PALLD: variants seen among roughly 807,000 people sequenced by gnomAD.
PALLD encodes palladin, cytoskeletal associated protein.
PALLD carries 61 observed loss-of-function variants against 123.5 expected under a neutral mutation model. The ratio of observed to expected loss-of-function variants is 0.49; its 90% CI spans 0.40 to 0.61. PALLD has a LOEUF of 0.61. Ranked by LOEUF, PALLD falls within the 20% of genes least tolerant of loss-of-function variation. The pLI, the probability that PALLD is intolerant of heterozygous loss-of-function variation, is 0.00. For missense variants in PALLD, 1,273 were observed against 1,377.0 expected (o/e 0.92, Z 1.20); for synonymous variants, 465 against 496.4 (o/e 0.94, Z 0.84).
Position 168,761,654 on chromosome 4 carries a change from T to G in PALLD, c.1964+49731T>G, listed in dbSNP as rs1285910673. Among the ~76,000 whole-genome samples the G allele has an allele frequency of 8.5e-3, 328 of 38,772 alleles. 3 individuals are homozygous for G. Among genetic ancestry groups the G allele is most frequent in the African/African-American group, 0.031 (294 of 9,418 alleles). The allele number at this position is 38,772 out of a possible 152,430, so 25.4% of individuals were successfully genotyped here. The stretch of plus-strand genomic sequence containing the variant: ...TTTGTTGTTGTTGTTTGTTTTTTTT[T>G]TTTTTTTTTTTTTTTTTTTTTTGTA... On this transcript the variant is annotated intron_variant, in intron 10 of 21. Coordinates refer to ENST00000505667, the MANE Select transcript of PALLD (RefSeq NM_001166108.2).
At position 168,511,949 on chromosome 4, in the gene PALLD, A is replaced by G. The variant is rs1313856442; in HGVS notation, c.445A>G (p.Ser149Gly). 6.2e-7 allele frequency: 1 copy of G among 1,614,232 alleles called. No individual in the cohort carries two copies. Among genetic ancestry groups the G allele is most frequent in the Non-Finnish European group, 8.5e-7 (1 of 1,180,038 alleles). Reference protein sequence around the residue: ...KAEKRGAKTPSTNVKPKTPHQ... With the variant: ...KAEKRGAKTPGTNVKPKTPHQ... ...TGAAAAGCGTGGTGCAAAAACTCCC[A>G]GCACAAACGTAAAGCCCAAAACGCC... The change falls in exon 2 of 22, where the codon AGC becomes GGC. Residue 149 changes from serine to glycine, a missense_variant. Ser to Gly is a moderately conservative substitution (Grantham distance 56). Coordinates refer to ENST00000505667, the MANE Select transcript of PALLD (RefSeq NM_001166108.2).
intron 2 of PALLD, among the ~76,000 whole-genome samples, chr4:168,594,360 C>A (rs1313167503): frequency 6.6e-6 from 1 of 152,002 alleles, no homozygotes; most frequent in African/African-American, 2.4e-5. Flanking sequence ...CAAGGTGATA[C>A]CATCATTCCT....
chr4:168,759,202 A>AAAAAAAAAAAAAT (rs1554077926), intron 10 of PALLD, among the ~76,000 whole-genome samples: 4 of 22,306 alleles, frequency 1.8e-4, no homozygotes, highest in Admixed American at 7.6e-4. Context: ...AAAAAAAAAA[A>AAAAAAAAAAAAAT]ATATATATAT....
At chr4:168,522,695 T>C (rs1474824891) in intron 2 of PALLD, among the ~76,000 whole-genome samples, 1 of 152,230 alleles carries the variant, frequency 6.6e-6, no homozygotes, top group Non-Finnish European at 1.5e-5. Flanking sequence ...TGAAACTTTA[T>C]ATAGCTTACT....
rs886782879 is a variant in PALLD, at chr4:168,632,307, G to C, written c.909-35883G>C. ...ATTTTCTCTAATTACTTTGTAATCG[G>C]CTCCATCCTCGGTTGAAATAGAAGG... On this transcript the variant is annotated intron_variant, in intron 2 of 21. Coordinates refer to ENST00000505667, the MANE Select transcript of PALLD (RefSeq NM_001166108.2). 8.5e-5 allele frequency among the ~76,000 whole-genome samples: 13 copies of C among 152,150 alleles called. No homozygotes were observed. The East Asian group carries it at 1.5e-3, about 18-fold the overall frequency.
chr4:168,832,684 C>T (rs77862287), intron 10 of PALLD: 7,619 of 151,740 alleles, frequency 0.05, 245 homozygotes, highest in Non-Finnish European at 0.065. Context: ...CGACCTGAGC[C>T]GAGCCCTCCC....
At chr4:168,622,943 C>T (rs1303481314) in intron 2 of PALLD, among the ~76,000 whole-genome samples, 1 of 152,182 alleles carries the variant, frequency 6.6e-6, no homozygotes, top group Non-Finnish European at 1.5e-5. Context: ...ATTCCACAGC[C>T]TCCCTAAGTA....
chr4:168,744,604 G>T (rs1788678152), intron 10 of PALLD, among the ~76,000 whole-genome samples: 1 of 152,194 alleles, frequency 6.6e-6, no homozygotes, highest in Non-Finnish European at 1.5e-5. Context: ...AGGACAAGAG[G>T]CATTAAGTGA....
chr4:168,538,403 C>T (rs572996892), intron 2 of PALLD, among the ~76,000 whole-genome samples: 1 of 151,666 alleles, frequency 6.6e-6, no homozygotes, highest in South Asian at 2.1e-4. Flanking sequence ...ATAATTCCTA[C>T]AGTCATGACA....
chr4:168,643,040 A>G (rs978760679), intron 2 of PALLD, among the ~76,000 whole-genome samples: 1 of 152,226 alleles, frequency 6.6e-6, no homozygotes, highest in Non-Finnish European at 1.5e-5. Context: ...AATGTTCTCT[A>G]TATAGGAAAG....
At chr4:168,888,671 C>T (rs924137791) in intron 10 of PALLD, among the ~76,000 whole-genome samples, 6 of 152,202 alleles carry the variant, frequency 3.9e-5, no homozygotes, top group Non-Finnish European at 7.3e-5. Flanking sequence ...GTCTCATTGG[C>T]CCAGGCTATA....
At chr4:168,599,364 C>T (rs1430082734) in intron 2 of PALLD, among the ~76,000 whole-genome samples, 2 of 152,178 alleles carry the variant, frequency 1.3e-5, no homozygotes, top group Non-Finnish European at 2.9e-5. Flanking sequence ...TTCTAATCAT[C>T]TATTTGAAGG....
chr4:168,793,485 C>T (rs1184312296), intron 10 of PALLD, among the ~76,000 whole-genome samples: 1 of 151,854 alleles, frequency 6.6e-6, no homozygotes, highest in African/African-American at 2.4e-5. Flanking sequence ...CTCCCTCCCA[C>T]CTCACCCCAA....
chr4:168,539,600 TAAATAAATAAATA>T (rs1259836015), intron 2 of PALLD, among the ~76,000 whole-genome samples: 1 of 95,382 alleles, frequency 1.0e-5, no homozygotes, highest in African/African-American at 3.1e-5. Flanking sequence ...AATAAATAAA[TAAATAAATAAATA>T]AAGATGCTTT....
At chr4:168,920,527 C>T (rs75903325) in intron 17 of PALLD, among the ~76,000 whole-genome samples, 8,644 of 152,208 alleles carry the variant, frequency 0.057, 332 homozygotes, top group Non-Finnish European at 0.088. Context: ...AAAAGGCCTT[C>T]CTTAACAGTG....
chr4:168,726,770 T>G (rs531961115), intron 10 of PALLD, among the ~76,000 whole-genome samples: 1 of 152,178 alleles, frequency 6.6e-6, no homozygotes, highest in East Asian at 1.9e-4. Flanking sequence ...AAAAATCAAC[T>G]TCTATTTTAG....
chr4:168,622,056 C>T (rs763011129), intron 2 of PALLD, among the ~76,000 whole-genome samples: 19 of 152,130 alleles, frequency 1.2e-4, no homozygotes, highest in Non-Finnish European at 2.5e-4. Flanking sequence ...CCAGTCACTC[C>T]TCGCACCAGA....
chr4:168,713,359 A>G lies in PALLD; in HGVS notation c.1964+1436A>G, dbSNP rs141574853. On this transcript the variant is annotated intron_variant, in intron 10 of 21. Coordinates refer to ENST00000505667, the MANE Select transcript of PALLD (RefSeq NM_001166108.2). ...CACTGCTGACTTCTTTCATCTTTGC[A>G]TTTTGAATATGTATTTGCAGTGCTT... Among the ~76,000 whole-genome samples, 4 of 152,326 alleles carry G rather than the reference A, an allele frequency of 2.6e-5. No individual in the cohort carries two copies. The East Asian group carries it at 7.7e-4, about 29-fold the overall frequency.
intron 10 of PALLD, among the ~76,000 whole-genome samples, chr4:168,722,394 C>T (rs1786109352): frequency 6.6e-6 from 1 of 152,084 alleles, no homozygotes; most frequent in Admixed American, 6.6e-5. Flanking sequence ...ATAATCCATA[C>T]AAGGCCTTCC....
Sources: gnomAD v4.1 joint callset for allele counts (sites outside exome capture counted in the v4.1 genomes callset) on GRCh38, gnomAD v4.1.1 for gene constraint, MANE v1.5 for transcripts, NCBI Gene and HGNC (gene_info 2026-07-23, HGNC 2026-07-21) for gene names.